RERE: variants seen among roughly 807,000 people sequenced by gnomAD.
RERE encodes the protein arginine-glutamic acid dipeptide repeats.
RERE carries 40 observed loss-of-function variants against 146.1 expected under a neutral mutation model. The ratio of observed to expected loss-of-function variants is 0.27; its 90% CI spans 0.21 to 0.36. The LOEUF (loss-of-function observed/expected upper bound fraction) is 0.36. Ranked by LOEUF, RERE falls within the 10% of genes least tolerant of loss-of-function variation. RERE has a pLI of 1.00. For missense variants in RERE, 1,933 were observed against 2,138.7 expected (o/e 0.90, Z 1.90); for synonymous variants, 1,003 against 866.0 (o/e 1.16, Z -2.78).
At chr1:8,598,372 G>A (rs1646580756) in intron 4 of RERE, among the ~76,000 whole-genome samples, 1 of 152,172 alleles carries the variant, frequency 6.6e-6, no homozygotes, top group South Asian at 2.1e-4. Context: ...TCCAGCAGGT[G>A]ACAGGTGGGA....
At chr1:8,500,140 T>C (rs757138501) in intron 8 of RERE, among the ~76,000 whole-genome samples, 7 of 152,176 alleles carry the variant, frequency 4.6e-5, no homozygotes, top group Non-Finnish European at 7.4e-5. Context: ...ACAACAATAA[T>C]AATAACAACA....
chr1:8,713,828 T>A (rs1269668177), intron 1 of RERE, among the ~76,000 whole-genome samples: 1 of 152,228 alleles, frequency 6.6e-6, no homozygotes, highest in Non-Finnish European at 1.5e-5. Flanking sequence ...AAAGGTATTT[T>A]ATTTCAAAAA....
chr1:8,727,637 G>A (rs551499083), intron 1 of RERE, among the ~76,000 whole-genome samples: 7 of 152,278 alleles, frequency 4.6e-5, no homozygotes, highest in African/African-American at 1.7e-4. Flanking sequence ...GGGACTACAG[G>A]CACGCGCCAC....
intron 12 of RERE, among the ~76,000 whole-genome samples, chr1:8,403,896 T>TC (rs1422226802): frequency 7.5e-6 from 1 of 133,724 alleles, no homozygotes; most frequent in African/African-American, 2.7e-5. Flanking sequence ...AGTGGTGCCA[T>TC]CTCGGCTCAC....
chr1:8,714,921 C>T (rs1020794282), intron 1 of RERE, among the ~76,000 whole-genome samples: 5 of 151,922 alleles, frequency 3.3e-5, no homozygotes, highest in South Asian at 2.1e-4. Context: ...GTCGCCAAGC[C>T]GGAATGCAGT....
rs561842748 is a variant in RERE, at chr1:8,533,602, A to G, written c.830+7612T>C. ...ATTGCCTTCTTATCCTAGAGTTCTC[A>G]TATTCTGAAGGGCCCAGAATCCCAA... On this transcript the variant is annotated intron_variant, in intron 7 of 22. Transcript: ENST00000400908. Among the ~76,000 whole-genome samples the G allele has an allele frequency of 1.7e-4, 26 of 152,298 alleles. No individual in the cohort carries two copies. The East Asian group carries it at 2.5e-3, about 15-fold the overall frequency.
intron 12 of RERE, among the ~76,000 whole-genome samples, chr1:8,403,646 G>C (rs572994810): frequency 1.3e-5 from 2 of 151,518 alleles, no homozygotes; most frequent in Admixed American, 1.3e-4. Context: ...GATTACGAGC[G>C]TGAGCCACAG....
intron 1 of RERE, among the ~76,000 whole-genome samples, chr1:8,702,055 G>A (rs375390278): frequency 6.7e-5 from 10 of 150,056 alleles, no homozygotes; most frequent in Admixed American, 6.7e-4. Context: ...TTTAAATTTG[G>A]AGTTTCCAGA....
At chr1:8,732,039 G>A (rs567799380) in intron 1 of RERE, among the ~76,000 whole-genome samples, 13 of 152,156 alleles carry the variant, frequency 8.5e-5, no homozygotes, top group African/African-American at 2.4e-4. Flanking sequence ...TCCTGACCTC[G>A]TGATCTGCCC....
rs1266950588 is a variant in RERE, at chr1:8,501,032, G to C, written c.880-3503C>G. Among the ~76,000 whole-genome samples, 11 of 53,312 alleles carry C rather than the reference G, an allele frequency of 2.1e-4. 2 individuals carry two copies. The South Asian group carries it at 2.3e-3, about 11-fold the overall frequency. The allele number at this position is 53,312 out of a possible 152,430, so 35.0% of individuals were successfully genotyped here. On this transcript the variant is annotated intron_variant, in intron 8 of 22. Coordinates refer to ENST00000400908, the MANE Select transcript of RERE (RefSeq NM_001042681.2). ...CGCCCGGCAGCCACCCCGTCCGGGA[G>C]GGGGGGGGGGGGTCAGCCCCCCGCC... is the stretch of plus-strand genomic sequence containing the variant.
At chr1:8,366,930 A>C (rs549885949) in intron 12 of RERE, among the ~76,000 whole-genome samples, 2,382 of 110,228 alleles carry the variant, frequency 0.022, 38 homozygotes, top group Non-Finnish European at 0.036. Flanking sequence ...AAAAAAAAAC[A>C]AAAAAAAAAA....
intron 4 of RERE, among the ~76,000 whole-genome samples, chr1:8,599,563 G>A (rs1225596982): frequency 6.6e-6 from 1 of 152,164 alleles, no homozygotes; most frequent in Non-Finnish European, 1.5e-5. Flanking sequence ...CTATTCAGGA[G>A]CACTGTAAAA....
chr1:8,757,524 T>C (rs1640666272), intron 1 of RERE, among the ~76,000 whole-genome samples: 1 of 152,172 alleles, frequency 6.6e-6, no homozygotes, highest in Non-Finnish European at 1.5e-5. Flanking sequence ...GAGGAACAAA[T>C]GTAAGACAAT....
chr1:8,773,681 G>A (rs933597948), intron 1 of RERE, among the ~76,000 whole-genome samples: 2 of 152,190 alleles, frequency 1.3e-5, no homozygotes, highest in East Asian at 3.9e-4. Flanking sequence ...AAAATTAGCC[G>A]GGCGTGGTGG....
At chr1:8,732,915 G>A (rs539061612) in intron 1 of RERE, among the ~76,000 whole-genome samples, 24 of 148,406 alleles carry the variant, frequency 1.6e-4, no homozygotes, top group African/African-American at 5.0e-4. Context: ...TCCGCCTCCC[G>A]GGTTCACGCC....
At chr1:8,683,031 CAA>C (rs71580039) in intron 1 of RERE, among the ~76,000 whole-genome samples, 147 of 65,718 alleles carry the variant, frequency 2.2e-3, no homozygotes, top group African/African-American at 7.0e-3. Context: ...CTGTCTTTAC[CAA>C]AAAAAAAAAA....
intron 1 of RERE, among the ~76,000 whole-genome samples, chr1:8,757,697 C>A (rs904934578): frequency 9.9e-5 from 15 of 152,050 alleles, no homozygotes; most frequent in Non-Finnish European, 2.1e-4. Flanking sequence ...TTCTAGTCAG[C>A]CTTTTTTCAC....
chr1:8,439,371 G>C lies in RERE; in HGVS notation c.1204-16564C>G, dbSNP rs182656567. On this transcript the variant is annotated intron_variant, in intron 11 of 22. Coordinates refer to ENST00000400908, the MANE Select transcript of RERE (RefSeq NM_001042681.2). ...TACTGTAAATGAGATAAAGCCAGCAGCATGCAAGAAACCTGATCTAAATGC... is the reference window on the plus strand; with the variant it reads ...TACTGTAAATGAGATAAAGCCAGCACCATGCAAGAAACCTGATCTAAATGC... Among the ~76,000 whole-genome samples, 298 of 152,342 alleles carry C rather than the reference G, an allele frequency of 2.0e-3. 1 individual carries two copies. Among genetic ancestry groups the C allele is most frequent in the African/African-American group, 7.0e-3 (289 of 41,574 alleles).
At chr1:8,787,892 AAG>A (rs1641287435) in intron 1 of RERE, among the ~76,000 whole-genome samples, 1 of 151,768 alleles carries the variant, frequency 6.6e-6, no homozygotes. Context: ...CTTAATTTAA[AAG>A]TATTACCAGC....
Sources: allele counts gnomAD v4.1 joint callset (sites outside exome capture counted in the v4.1 genomes callset), GRCh38; gene constraint gnomAD v4.1.1; transcripts MANE v1.5; gene names NCBI Gene and HGNC (gene_info 2026-07-23, HGNC 2026-07-21).